The following ECPAS variants were observed in gnomAD, a reference collection of about 807,000 sequenced individuals.
ECPAS encodes the protein Ecm29 proteasome adaptor and scaffold.
A neutral mutation model predicts 255.1 loss-of-function variants in ECPAS; 70 were observed. The ratio of observed to expected loss-of-function variants is 0.27; its 90% CI spans 0.23 to 0.33. The LOEUF (loss-of-function observed/expected upper bound fraction) is 0.33, where lower values mean the gene tolerates loss of function less well. Ranked by LOEUF, ECPAS falls within the 10% of genes least tolerant of loss-of-function variation. The probability of loss-of-function intolerance (pLI) is 1.00; values close to 1 mark genes in which losing one functional copy is unlikely to be tolerated. For synonymous variants in ECPAS, 784 were observed against 775.0 expected (o/e 1.01, Z -0.19); for missense variants, 1,817 against 2,206.4 (o/e 0.82, Z 3.54).
At chr9:111,408,930 A>C (rs1234206298) in intron 23 of ECPAS, among the ~76,000 whole-genome samples, 3 of 152,220 alleles carry the variant, frequency 2.0e-5, no homozygotes, top group Non-Finnish European at 2.9e-5. Context: ...ATTACCTTTC[A>C]AACTATAACG....
chr9:111,379,446 T>TA lies in ECPAS; in HGVS notation c.3804-717dup, dbSNP rs2098137836. Among the ~76,000 whole-genome samples the TA allele has an allele frequency of 2.0e-5, 3 of 152,352 alleles. No homozygotes were observed. In the South Asian group the frequency reaches 6.2e-4, roughly 32 times the overall value. ...ATCATCTCAGCTTTCAGCGAGTCATTATCTTTTTGCTGGTGGAGGGTCCTA... is the reference window on the plus strand; with the variant it reads ...ATCATCTCAGCTTTCAGCGAGTCATTAATCTTTTTGCTGGTGGAGGGTCCTA... On this transcript the variant is annotated intron_variant, in intron 35 of 49. Transcript: ENST00000684092.
intron 21 of ECPAS, chr9:111,411,771 T>C (rs1185022196): frequency 2.7e-6 from 1 of 365,232 alleles, no homozygotes; most frequent in Non-Finnish European, 4.9e-6. Context: ...CCAGGGATTC[T>C]CATGTATTTA....
chr9:111,373,485 T>A, intron 39 of ECPAS, 79 bp from the exon 40 acceptor site: 2 of 1,114,960 alleles, frequency 1.8e-6, no homozygotes, highest in Non-Finnish European at 2.7e-6. Flanking sequence ...CAAACAAACC[T>A]AACCCTGTAA....
At chr9:111,419,787 A>G (rs1034496982) in intron 16 of ECPAS, among the ~76,000 whole-genome samples, 1 of 149,764 alleles carries the variant, frequency 6.7e-6, no homozygotes, top group Non-Finnish European at 1.5e-5. Context: ...TATATTACAC[A>G]TATATATCTA....
intron 2 of ECPAS, among the ~76,000 whole-genome samples, chr9:111,466,582 GA>G (rs910771311): frequency 2.0e-5 from 3 of 149,178 alleles, no homozygotes; most frequent in Non-Finnish European, 4.4e-5. Context: ...CTTGTAGGAG[GA>G]AAAAAAATCT....
chr9:111,440,594 C>A, intron 5 of ECPAS, 73 bp from the exon 6 acceptor site: 1 of 1,211,572 alleles, frequency 8.3e-7, no homozygotes. Flanking sequence ...ACAGACAAAA[C>A]AAAAATCACG....
intron 2 of ECPAS, among the ~76,000 whole-genome samples, chr9:111,470,243 C>T (rs2098285391): frequency 6.6e-6 from 1 of 152,196 alleles, no homozygotes; most frequent in South Asian, 2.1e-4. Context: ...AATCTGGAAA[C>T]CCTTGCATCT....
chr9:111,414,426 T>C lies in ECPAS; in HGVS notation c.1987+3A>G. The C allele has an allele frequency of 1.9e-6, 3 of 1,612,374 alleles. No homozygotes were observed. Among genetic ancestry groups the C allele is most frequent in the Non-Finnish European group, 2.5e-6 (3 of 1,178,472 alleles). ...ATCTTTCCTTCGCGTCACATATTCCTACCTCCAACACCTGCTAACAGCTGC... is the reference window on the plus strand; with the variant it reads ...ATCTTTCCTTCGCGTCACATATTCCCACCTCCAACACCTGCTAACAGCTGC... On this transcript the variant is annotated splice_donor_region_variant and intron_variant, in intron 19 of 49. Transcript: ENST00000684092.
chr9:111,416,242 A>G (rs2098203310), intron 18 of ECPAS, 30 bp downstream of exon 18: 1 of 1,552,972 alleles, frequency 6.4e-7, no homozygotes, highest in South Asian at 1.1e-5. Flanking sequence ...ACACTTACAA[A>G]AAGTAAATAG....
intron 25 of ECPAS, among the ~76,000 whole-genome samples, chr9:111,396,642 C>T (rs1264130959): frequency 2.0e-5 from 3 of 152,206 alleles, no homozygotes; most frequent in African/African-American, 7.2e-5. Context: ...ACCTCCGCCT[C>T]CCAGGTTCAA....
rs1440232859 is a variant in ECPAS, at chr9:111,360,992, C to T, written c.*1038G>A. 6.6e-6 allele frequency: 1 copy of T among 152,136 alleles called. No individual in the cohort carries two copies. The highest frequency in any genetic ancestry group is 1.5e-5 in the Non-Finnish European group (1 of 68,028). 9.4% of individuals were successfully genotyped at this position (152,136 alleles called of 1,614,324 possible). A position where few individuals can be genotyped will look rare whatever the true frequency, so the allele number is the denominator to read the frequency against. ...GGCAACAGAAGGAAGGAGGAAAACC[C>T]CTAGTGGCAATGATTTACTTGGAGT... On this transcript the variant is annotated 3_prime_UTR_variant, in exon 50 of 50. Coordinates refer to ENST00000684092, the MANE Select transcript of ECPAS (RefSeq NM_001364929.1).
At chr9:111,376,410 A>G in intron 37 of ECPAS, 66 bp downstream of exon 37, 4 of 1,291,748 alleles carry the variant, frequency 3.1e-6, no homozygotes, top group Non-Finnish European at 4.4e-6. Flanking sequence ...CATAGCCTGA[A>G]GACTTTGAAG....
At chr9:111,483,563 GAGGGAGGGGCTGGGGGGGC>G in intron 1 of ECPAS, 1 of 919,542 alleles carries the variant, frequency 1.1e-6, no homozygotes, top group Non-Finnish European at 1.3e-6. Context: ...GGGAGGGAAC[GAGGGAGGGGCTGGGGGGGC>G]AGGGCGCGGC....
chr9:111,436,007 TCTTA>T (rs1286728862), intron 7 of ECPAS, among the ~76,000 whole-genome samples: 2 of 151,078 alleles, frequency 1.3e-5, no homozygotes, highest in Admixed American at 6.6e-5. Context: ...TCTTTACCTT[TCTTA>T]CTTACATAAT....
intron 2 of ECPAS, among the ~76,000 whole-genome samples, chr9:111,455,182 A>AC (rs2098265308): frequency 6.6e-6 from 1 of 152,148 alleles, no homozygotes; most frequent in South Asian, 2.1e-4. Context: ...CAGGACTGCT[A>AC]CCTGTAGAAA....
intron 1 of ECPAS, chr9:111,483,434 G>A (rs1190908586): frequency 7.0e-6 from 6 of 851,604 alleles, no homozygotes; most frequent in Non-Finnish European, 8.4e-6. Flanking sequence ...GCCCTCATGC[G>A]GCCGCCGGCC....
intron 1 of ECPAS, among the ~76,000 whole-genome samples, chr9:111,479,887 G>A (rs575232484): frequency 1.1e-4 from 17 of 149,740 alleles, no homozygotes; most frequent in Middle Eastern, 3.6e-3. Flanking sequence ...GCTAAGGCAG[G>A]AGAATTGCTT....
intron 37 of ECPAS, 136 bp from the exon 38 acceptor site, chr9:111,375,338 T>C: frequency 1.5e-6 from 1 of 672,902 alleles, no homozygotes; most frequent in South Asian, 1.7e-5. Context: ...TTGCTTCTGC[T>C]CTGATTTCAA....
intron 8 of ECPAS, among the ~76,000 whole-genome samples, chr9:111,432,425 G>C (rs2098231402): frequency 6.6e-6 from 1 of 152,086 alleles, no homozygotes; most frequent in Admixed American, 6.5e-5. Flanking sequence ...AGCAGCCTGG[G>C]CAACATGGTG....
Sources: gnomAD v4.1 joint callset for allele counts (sites outside exome capture counted in the v4.1 genomes callset) on GRCh38, gnomAD v4.1.1 for gene constraint, MANE v1.5 for transcripts, NCBI Gene and HGNC (gene_info 2026-07-23, HGNC 2026-07-21) for gene names.